PALD1: variants seen among roughly 807,000 people sequenced by gnomAD.
PALD1 encodes the protein phosphatase domain containing paladin 1.
In PALD1, 57 loss-of-function variants were observed where a neutral mutation model predicts 96.0. The observed-to-expected ratio is 0.59, with a 90% CI of 0.48 to 0.74. The LOEUF (loss-of-function observed/expected upper bound fraction) is 0.74. Among genes scored for constraint, PALD1 ranks in the 30% least tolerant of loss-of-function variants. PALD1 has a pLI of 0.00. For missense variants in PALD1, 1,063 were observed against 1,143.7 expected (o/e 0.93, Z 1.02); for synonymous variants, 464 against 473.6 (o/e 0.98, Z 0.26).
At chr10:70,557,683 A>G (rs913510702) in intron 18 of PALD1, among the ~76,000 whole-genome samples, 3 of 152,022 alleles carry the variant, frequency 2.0e-5, no homozygotes, top group Non-Finnish European at 4.4e-5. Context: ...CTGGTGCTGC[A>G]CGTGGGAAGA....
chr10:70,513,009 G>A (rs996881022), intron 1 of PALD1, among the ~76,000 whole-genome samples: 4 of 152,180 alleles, frequency 2.6e-5, no homozygotes, highest in African/African-American at 7.2e-5. Context: ...TCCTGAGACC[G>A]ACCCCTTTTT....
the PALD1 span, among the ~76,000 whole-genome samples, chr10:70,461,708 C>T: frequency 6.6e-6 from 1 of 152,222 alleles, no homozygotes; most frequent in Admixed American, 6.5e-5. Context: ...CCAGGCCATG[C>T]CCTCTTTTGT....
At chr10:70,544,508 T>A (rs1847320612) in intron 17 of PALD1, among the ~76,000 whole-genome samples, 1 of 151,574 alleles carries the variant, frequency 6.6e-6, no homozygotes, top group Non-Finnish European at 1.5e-5. Flanking sequence ...AGGAGCTGAG[T>A]GAGGAGGGGC....
rs780234199 is a variant in PALD1 at position 70,525,971 on chromosome 10, C to G, written c.20C>G (p.Thr7Arg). 1 of 1,614,064 alleles carries G rather than the reference C, an allele frequency of 6.2e-7. No individual in the cohort carries two copies. The highest frequency in any genetic ancestry group is 1.7e-5 in the Admixed American group (1 of 60,010). The change falls in exon 2 of 20, where the codon ACA becomes AGA. Residue 7 changes from threonine (T) to arginine (R), a missense_variant. By Grantham distance (71) the Thr-to-Arg change is moderately conservative. Transcript: ENST00000263563. MGTTASTAQQTVSAGTP... is the reference protein window; with the variant it reads MGTTASRAQQTVSAGTP... ...CAGACTATGGGTACAACGGCCAGCA[C>G]AGCCCAGCAGACGGTCTCGGCAGGC...
At chr10:70,555,880 A>C (rs1847599274) in intron 18 of PALD1, among the ~76,000 whole-genome samples, 1 of 152,228 alleles carries the variant, frequency 6.6e-6, no homozygotes, top group Non-Finnish European at 1.5e-5. Flanking sequence ...GGTCACCTGT[A>C]GTCCCAGCTA....
chr10:70,529,359 C>A, intron 3 of PALD1, 28 bp downstream of exon 3: 1 of 1,110,342 alleles, frequency 9.0e-7, no homozygotes, highest in Non-Finnish European at 1.4e-6. Flanking sequence ...CCTGCCAGCC[C>A]GCCTGCTGCC....
chr10:70,473,738 C>G, the PALD1 span, among the ~76,000 whole-genome samples: 1 of 152,046 alleles, frequency 6.6e-6, no homozygotes, highest in Non-Finnish European at 1.5e-5. Flanking sequence ...CTCTGCCTCC[C>G]AGTTTCAAGC....
chr10:70,501,279 C>T (rs1017098611), intron 1 of PALD1, among the ~76,000 whole-genome samples: 2 of 152,176 alleles, frequency 1.3e-5, no homozygotes, highest in African/African-American at 4.8e-5. Context: ...GCCTCACAGG[C>T]CTGCTGCATG....
upstream of PALD1, among the ~76,000 whole-genome samples, chr10:70,476,643 T>C (rs1408192239): frequency 6.6e-6 from 1 of 152,094 alleles, no homozygotes. Context: ...TCCAGAAGGG[T>C]TGTGACTGCA....
intron 1 of PALD1, among the ~76,000 whole-genome samples, chr10:70,514,606 C>T (rs1846583949): frequency 6.6e-6 from 1 of 152,120 alleles, no homozygotes; most frequent in South Asian, 2.1e-4. Context: ...AAGCCTGTCA[C>T]CTGGGAGGTT....
the PALD1 span, among the ~76,000 whole-genome samples, chr10:70,462,903 C>G: frequency 6.6e-6 from 1 of 152,228 alleles, no homozygotes. Flanking sequence ...CTGTGGGCTC[C>G]CAGCCCTGGG....
rs371927212 is a variant in PALD1, at chr10:70,567,544, C to T, written c.*811C>T. The stretch of plus-strand genomic sequence containing the variant: ...CCAAGGCCTGGAGCTGCAGGTCCCC[C>T]GGCATCTCTCTCTGTCCCGGCAGCC... On this transcript the variant is annotated 3_prime_UTR_variant, in exon 20 of 20. Transcript: ENST00000263563. 54 of 153,050 alleles carry T rather than the reference C, an allele frequency of 3.5e-4. No homozygotes were observed. Among genetic ancestry groups the T allele is most frequent in the Non-Finnish European group, 6.4e-4 (44 of 68,280 alleles). The allele number at this position is 153,050 out of a possible 1,614,324, so 9.5% of individuals were successfully genotyped here.
intron 18 of PALD1, among the ~76,000 whole-genome samples, chr10:70,551,634 C>A (rs1382418081): frequency 6.6e-6 from 1 of 150,660 alleles, no homozygotes; most frequent in Non-Finnish European, 1.5e-5. Flanking sequence ...TCCTGGCCCC[C>A]TGCCGGCTTC....
intron 1 of PALD1, among the ~76,000 whole-genome samples, chr10:70,514,740 CAG>C (rs1287455046): frequency 5.3e-5 from 8 of 152,170 alleles, no homozygotes; most frequent in African/African-American, 1.7e-4. Context: ...GAATTATTGT[CAG>C]GGGAACACGC....
intron 1 of PALD1, among the ~76,000 whole-genome samples, chr10:70,490,776 G>A (rs1328065353): frequency 6.6e-6 from 1 of 152,100 alleles, no homozygotes; most frequent in Non-Finnish European, 1.5e-5. Context: ...AATAATGTTG[G>A]GCTGATGGGA....
chr10:70,501,314 C>CTGGGCCTCCA (rs1846290656), intron 1 of PALD1, among the ~76,000 whole-genome samples: 1 of 152,162 alleles, frequency 6.6e-6, no homozygotes, highest in Non-Finnish European at 1.5e-5. Context: ...CTCGGCCTCC[C>CTGGGCCTCCA]TGGGCCTCCA....
In PALD1 at chr10:70,529,348, C is replaced by A; in HGVS notation, c.288+17C>A. ...CTGGTGCAAGTGAGCTCAGGCCTTA[C>A]CCTGCCAGCCCGCCTGCTGCCTCCC... is the stretch of plus-strand genomic sequence containing the variant. On this transcript the variant is annotated intron_variant, in intron 3 of 19. Coordinates refer to ENST00000263563, the MANE Select transcript of PALD1 (RefSeq NM_014431.3). 2.2e-6 allele frequency: 3 copies of A among 1,345,056 alleles called. No homozygotes were observed. In the South Asian group the frequency reaches 3.7e-5, roughly 16 times the overall value. 83.3% of individuals were successfully genotyped at this position (1,345,056 alleles called of 1,614,324 possible).
chr10:70,564,925 C>T (rs546979583), intron 19 of PALD1, among the ~76,000 whole-genome samples: 47 of 152,326 alleles, frequency 3.1e-4, no homozygotes, highest in Admixed American at 2.7e-3. Flanking sequence ...CCGCGAGGGC[C>T]TAGGGTGAGG....
intron 17 of PALD1, 41 bp downstream of exon 17, chr10:70,541,575 G>C: frequency 7.2e-7 from 1 of 1,384,548 alleles, no homozygotes; most frequent in Non-Finnish European, 1.0e-6. Context: ...CCTTGGGATG[G>C]GAGGAGGAGG....
Sources: gnomAD v4.1 joint callset for allele counts (sites outside exome capture counted in the v4.1 genomes callset) on GRCh38, gnomAD v4.1.1 for gene constraint, MANE v1.5 for transcripts, NCBI Gene and HGNC (gene_info 2026-07-23, HGNC 2026-07-21) for gene names.